The following OPCML variants were observed in gnomAD, a reference collection of about 807,000 sequenced individuals.
The protein encoded by OPCML is opioid-binding protein/cell adhesion molecule.
OPCML carries 13 observed loss-of-function variants against 37.8 expected under a neutral mutation model. The observed-to-expected ratio is 0.34, with a 90% CI of 0.22 to 0.55. The LOEUF is 0.55. Ranked by LOEUF, OPCML falls within the 20% of genes least tolerant of loss-of-function variation. The probability of loss-of-function intolerance (pLI) is 0.91; values close to 1 mark genes in which losing one functional copy is unlikely to be tolerated. For missense variants in OPCML, 341 were observed against 435.6 expected, an observed-to-expected ratio of 0.78 and a Z score of 1.93; for synonymous variants, 176 against 168.8, an observed-to-expected ratio of 1.04 and a Z score of -0.33.
At chr11:132,721,129 C>T (rs1944659374) in intron 2 of OPCML, among the ~76,000 whole-genome samples, 1 of 152,078 alleles carries the variant, frequency 6.6e-6, no homozygotes, top group African/African-American at 2.4e-5. Context: ...ATTCATTCAA[C>T]ATTATGTGCC....
At chr11:132,673,558 G>T (rs1337100729) in intron 2 of OPCML, among the ~76,000 whole-genome samples, 1 of 152,096 alleles carries the variant, frequency 6.6e-6, no homozygotes, top group Non-Finnish European at 1.5e-5. Flanking sequence ...CTGTATTTAT[G>T]CTCTGATAGG....
chr11:133,403,588 T>C (rs571825415), intron 1 of OPCML, among the ~76,000 whole-genome samples: 5 of 152,350 alleles, frequency 3.3e-5, no homozygotes, highest in African/African-American at 9.6e-5. Context: ...CTCTGTCTCA[T>C]GGTAACCTCT....
At chr11:133,531,737 T>TGGAGAG (rs1447650395) in intron 1 of OPCML, among the ~76,000 whole-genome samples, 18 of 90,132 alleles carry the variant, frequency 2.0e-4, no homozygotes, top group Admixed American at 1.8e-3. Context: ...TGGGGAGAGG[T>TGGAGAG]GGAGAGGGAG....
intron 1 of OPCML, among the ~76,000 whole-genome samples, chr11:133,234,069 G>T (rs1315954452): frequency 6.6e-6 from 1 of 152,148 alleles, no homozygotes; most frequent in Non-Finnish European, 1.5e-5. Context: ...TAAAATAGAT[G>T]TTCCCTTATC....
chr11:132,555,223 C>A lies in OPCML; in HGVS notation c.380-26037G>T, dbSNP rs1255269737. On this transcript the variant is annotated intron_variant, in intron 3 of 7. Coordinates refer to ENST00000524381, the MANE Select transcript of OPCML (RefSeq NM_001012393.5). ...TTCATGCTGTTGATAAAGACAGACT[C>A]AAGACTGGGTGATTTATAAAGAAAA... Among the ~76,000 whole-genome samples, 3 of 152,076 alleles carry A rather than the reference C, an allele frequency of 2.0e-5. No individual in the cohort carries two copies. The East Asian group carries it at 5.8e-4, about 29-fold the overall frequency.
chr11:132,753,021 A>G (rs1198784941), intron 2 of OPCML, among the ~76,000 whole-genome samples: 1 of 152,040 alleles, frequency 6.6e-6, no homozygotes, highest in East Asian at 1.9e-4. Flanking sequence ...TGGTGTAATA[A>G]TTTATAGCAC....
At chr11:132,911,847 G>T (rs1344931239) in intron 2 of OPCML, among the ~76,000 whole-genome samples, 2 of 152,188 alleles carry the variant, frequency 1.3e-5, no homozygotes, top group Non-Finnish European at 2.9e-5. Flanking sequence ...TGTCAGGCAG[G>T]TAATTCCAAG....
chr11:133,234,769 C>T (rs183078809), intron 1 of OPCML, among the ~76,000 whole-genome samples: 26 of 152,292 alleles, frequency 1.7e-4, no homozygotes, highest in Admixed American at 1.5e-3. Flanking sequence ...TAATCACCTG[C>T]GGATCTCTCC....
chr11:132,499,053 G>A (rs964954972), intron 4 of OPCML, among the ~76,000 whole-genome samples: 2 of 152,174 alleles, frequency 1.3e-5, no homozygotes, highest in Non-Finnish European at 2.9e-5. Context: ...GTGCTTCCCC[G>A]TGCATGGTAG....
chr11:133,012,220 C>G (rs1947232580), intron 1 of OPCML, among the ~76,000 whole-genome samples: 1 of 152,140 alleles, frequency 6.6e-6, no homozygotes, highest in Admixed American at 6.5e-5. Flanking sequence ...ATAGGACAGC[C>G]TTCCTCAACA....
chr11:132,619,862 A>AG (rs1038307359), intron 3 of OPCML, among the ~76,000 whole-genome samples: 2 of 151,298 alleles, frequency 1.3e-5, no homozygotes, highest in African/African-American at 4.9e-5. Context: ...AAAAAAAAAA[A>AG]AAAAAAATTG....
At chr11:133,263,080 A>G (rs1259878368) in intron 1 of OPCML, among the ~76,000 whole-genome samples, 1 of 151,906 alleles carries the variant, frequency 6.6e-6, no homozygotes, top group Non-Finnish European at 1.5e-5. Context: ...ACAAGTGGGT[A>G]TGGTTGGACT....
intron 1 of OPCML, among the ~76,000 whole-genome samples, chr11:133,216,755 A>G (rs1939600251): frequency 6.6e-6 from 1 of 152,236 alleles, no homozygotes; most frequent in Non-Finnish European, 1.5e-5. Flanking sequence ...CTATCATGTA[A>G]TAATGTGTAC....
chr11:132,492,174 G>A (rs994292110), intron 4 of OPCML, among the ~76,000 whole-genome samples: 2 of 151,980 alleles, frequency 1.3e-5, no homozygotes, highest in East Asian at 1.9e-4. Flanking sequence ...GGACACATGG[G>A]GTTTTGAGAC....
At chr11:133,106,861 T>C (rs576165148) in intron 1 of OPCML, among the ~76,000 whole-genome samples, 1 of 152,322 alleles carries the variant, frequency 6.6e-6, no homozygotes, top group East Asian at 1.9e-4. Context: ...GTACCATGCC[T>C]CTCTTGGCCT....
chr11:132,722,159 G>T (rs916174545), intron 2 of OPCML, among the ~76,000 whole-genome samples: 2 of 151,460 alleles, frequency 1.3e-5, no homozygotes, highest in African/African-American at 4.8e-5. Context: ...GTTTCACAGT[G>T]TTAGCCAGGA....
At chr11:133,287,081 G>A (rs1011995678) in intron 1 of OPCML, among the ~76,000 whole-genome samples, 8 of 152,020 alleles carry the variant, frequency 5.3e-5, no homozygotes, top group Admixed American at 4.6e-4. Flanking sequence ...CTTTGTTTCC[G>A]ACTGCAGACC....
intron 2 of OPCML, among the ~76,000 whole-genome samples, chr11:132,784,550 C>A (rs1947142176): frequency 6.6e-6 from 1 of 152,138 alleles, no homozygotes. Flanking sequence ...TGCTTGCTCT[C>A]ACTGGACTGA....
At chr11:132,583,146 G>A (rs545881970) in intron 3 of OPCML, among the ~76,000 whole-genome samples, 5 of 152,036 alleles carry the variant, frequency 3.3e-5, no homozygotes, top group African/African-American at 1.2e-4. Flanking sequence ...TTGACCTCCT[G>A]GGCTTGAGCC....
Sources: allele counts gnomAD v4.1 joint callset (sites outside exome capture counted in the v4.1 genomes callset), GRCh38; gene constraint gnomAD v4.1.1; transcripts MANE v1.5; gene names NCBI Gene and HGNC (gene_info 2026-07-23, HGNC 2026-07-21).